TNKS: variants seen among roughly 807,000 people sequenced by gnomAD.
The protein encoded by TNKS is tankyrase.
In TNKS, 72 loss-of-function variants were observed where a neutral mutation model predicts 135.8. The ratio of observed to expected loss-of-function variants is 0.53; its 90% CI spans 0.44 to 0.64. The LOEUF (loss-of-function observed/expected upper bound fraction) is 0.64. Ranked by LOEUF, TNKS falls within the 30% of genes least tolerant of loss-of-function variation. The pLI, the probability that TNKS is intolerant of heterozygous loss-of-function variation, is 0.00. For missense variants in TNKS, 1,769 were observed against 1,674.0 expected, an observed-to-expected ratio of 1.06 and a Z score of -0.99; for synonymous variants, 849 against 649.3, an observed-to-expected ratio of 1.31 and a Z score of -4.68.
chr8:9,699,393 T>G (rs1260189122), intron 5 of TNKS, among the ~76,000 whole-genome samples: 1 of 152,218 alleles, frequency 6.6e-6, no homozygotes, highest in East Asian at 1.9e-4. Context: ...CAGTTGTAAA[T>G]TTCTTTTTTC....
chr8:9,665,528 A>G (rs916980758), intron 3 of TNKS, among the ~76,000 whole-genome samples: 3 of 152,196 alleles, frequency 2.0e-5, no homozygotes, highest in Admixed American at 6.5e-5. Flanking sequence ...GTCACTAGAA[A>G]TGGTCTGTAT....
chr8:9,597,213 C>T (rs1416798427), intron 2 of TNKS, among the ~76,000 whole-genome samples: 1 of 152,172 alleles, frequency 6.6e-6, no homozygotes, highest in Admixed American at 6.5e-5. Context: ...CGGACGTTGG[C>T]TCTACTGCAT....
At position 9,618,433 on chromosome 8, in the gene TNKS, C is replaced by A. The variant is rs956394950; in HGVS notation, c.994+2756C>A. Among the ~76,000 whole-genome samples, 3 of 152,312 alleles carry A rather than the reference C, an allele frequency of 2.0e-5. No individual in the cohort carries two copies. In the East Asian group the frequency reaches 5.8e-4, roughly 29 times the overall value. On this transcript the variant is annotated intron_variant, in intron 3 of 26. Transcript: ENST00000310430. The stretch of plus-strand genomic sequence containing the variant: ...ATGAGAAGACTTACTCAGAGAGACT[C>A]ATCATCCTCTTTGCTGAATTATTGT...
intron 21 of TNKS, 38 bp downstream of exon 21, chr8:9,761,674 A>G (rs987196722): frequency 6.3e-7 from 1 of 1,578,278 alleles, no homozygotes; most frequent in Admixed American, 2.0e-5. Flanking sequence ...TTCAGAAATC[A>G]GTGGTACAAG....
chr8:9,606,588 A>T (rs1799229051), intron 2 of TNKS, among the ~76,000 whole-genome samples: 1 of 151,974 alleles, frequency 6.6e-6, no homozygotes, highest in African/African-American at 2.4e-5. Flanking sequence ...ACTTTCCTTT[A>T]ATTCTTGGAA....
intron 2 of TNKS, among the ~76,000 whole-genome samples, chr8:9,597,576 T>G (rs546523360): frequency 4.1e-4 from 63 of 152,356 alleles, no homozygotes; most frequent in African/African-American, 1.4e-3. Flanking sequence ...CATATAGGAT[T>G]ATGGAGAATC....
chr8:9,575,121 C>T, intron 1 of TNKS: 3 of 964,144 alleles, frequency 3.1e-6, no homozygotes, highest in South Asian at 4.8e-5. Flanking sequence ...GAGTCTCGCT[C>T]TGTTGCCCAG....
At chr8:9,699,880 C>T (rs188272188) in intron 5 of TNKS, among the ~76,000 whole-genome samples, 9 of 152,286 alleles carry the variant, frequency 5.9e-5, no homozygotes, top group Admixed American at 5.2e-4. Context: ...TCTCATTATT[C>T]TTAGGCTCTC....
Position 9,776,838 on chromosome 8 carries a change from C to CTTATTT in TNKS, c.*102_*103insTTATTT. On this transcript the variant is annotated 3_prime_UTR_variant, in exon 27 of 27. Coordinates refer to ENST00000310430, the MANE Select transcript of TNKS (RefSeq NM_003747.3). ...TCAATATTCTAGAAGTCCCTGACAG[C>CTTATTT]CTAGAAATAAGCTGTTTGTCTTCTA... 2.6e-6 allele frequency: 3 copies of CTTATTT among 1,138,360 alleles called. No homozygotes were observed. The highest frequency in any genetic ancestry group is 3.9e-6 in the Non-Finnish European group (3 of 778,210). The allele number at this position is 1,138,360 out of a possible 1,614,324, so 70.5% of individuals were successfully genotyped here.
intron 3 of TNKS, among the ~76,000 whole-genome samples, chr8:9,668,977 TAGG>T (rs1474154366): frequency 6.6e-6 from 1 of 152,106 alleles, no homozygotes; most frequent in Non-Finnish European, 1.5e-5. Context: ...TATTATTGAA[TAGG>T]AGAATAAACT....
chr8:9,768,279 G>A (rs896639551), intron 25 of TNKS, among the ~76,000 whole-genome samples: 7 of 152,172 alleles, frequency 4.6e-5, no homozygotes, highest in African/African-American at 1.7e-4. Flanking sequence ...AGACAGCAGA[G>A]CAACCGCAGT....
intron 11 of TNKS, among the ~76,000 whole-genome samples, chr8:9,715,231 T>C (rs1804546347): frequency 6.6e-6 from 1 of 152,096 alleles, no homozygotes; most frequent in Non-Finnish European, 1.5e-5. Flanking sequence ...GAGATATATC[T>C]CAGTTAGGGT....
chr8:9,591,972 A>G (rs1050576291), intron 2 of TNKS, among the ~76,000 whole-genome samples: 2 of 152,204 alleles, frequency 1.3e-5, no homozygotes, highest in Non-Finnish European at 2.9e-5. Flanking sequence ...TGCTTAGGAT[A>G]TATTTTTAAA....
At chr8:9,735,579 T>TC in intron 17 of TNKS, 93 bp downstream of exon 17, 1 of 909,866 alleles carries the variant, frequency 1.1e-6, no homozygotes, top group Non-Finnish European at 1.8e-6. Flanking sequence ...GGAAGGTAGA[T>TC]CACGAGGTCA....
chr8:9,629,531 G>A (rs1800203043), intron 3 of TNKS, among the ~76,000 whole-genome samples: 2 of 152,200 alleles, frequency 1.3e-5, no homozygotes, highest in Admixed American at 1.3e-4. Flanking sequence ...CTGTATTCCA[G>A]CCATAGTTGC....
intron 3 of TNKS, among the ~76,000 whole-genome samples, chr8:9,621,650 T>C (rs1413902714): frequency 6.6e-6 from 1 of 152,174 alleles, no homozygotes; most frequent in South Asian, 2.1e-4. Context: ...TTAGCTATAC[T>C]ATAACCTGGC....
intron 22 of TNKS, among the ~76,000 whole-genome samples, chr8:9,764,001 A>G (rs1308176394): frequency 6.6e-6 from 1 of 152,168 alleles, no homozygotes; most frequent in African/African-American, 2.4e-5. Flanking sequence ...TACGTAGCGC[A>G]TCAGGAAGGC....
At chr8:9,774,526 G>A (rs940324207) in intron 26 of TNKS, among the ~76,000 whole-genome samples, 1 of 152,176 alleles carries the variant, frequency 6.6e-6, no homozygotes, top group East Asian at 1.9e-4. Context: ...TAACCAGCAT[G>A]GATTTAAAGT....
rs1043579335 is a variant in TNKS, at chr8:9,781,022, T to G, written c.*4286T>G. On this transcript the variant is annotated 3_prime_UTR_variant, in exon 27 of 27. Coordinates refer to ENST00000310430, the MANE Select transcript of TNKS (RefSeq NM_003747.3). ...TTTTTTAATTGTTTTAAAATGTAAA[T>G]TATGGTTATGCTAAAGTGAAAACCT... 1 of 152,168 alleles carries G rather than the reference T, an allele frequency of 6.6e-6. No individual in the cohort carries two copies. Among genetic ancestry groups the G allele is most frequent in the Non-Finnish European group, 1.5e-5 (1 of 68,036 alleles). 9.4% of individuals were successfully genotyped at this position (152,168 alleles called of 1,614,324 possible).
Sources: gnomAD v4.1 joint callset for allele counts (sites outside exome capture counted in the v4.1 genomes callset) on GRCh38, gnomAD v4.1.1 for gene constraint, MANE v1.5 for transcripts, NCBI Gene and HGNC (gene_info 2026-07-23, HGNC 2026-07-21) for gene names.